The following GCSH variants were observed in gnomAD, a reference collection of about 807,000 sequenced individuals.
GCSH encodes the protein glycine cleavage system protein H, also known as glycine cleavage system H protein, mitochondrial.
A neutral mutation model predicts 21.3 loss-of-function variants in GCSH; 15 were observed. That is an observed-to-expected ratio of 0.70 (90% CI 0.47 to 1.08). The LOEUF (loss-of-function observed/expected upper bound fraction) is 1.08, where lower values mean the gene tolerates loss of function less well. Among genes scored for constraint, GCSH ranks in the 50% least tolerant of loss-of-function variants. The pLI is 0.00. For missense variants in GCSH, 179 were observed against 217.5 expected, an observed-to-expected ratio of 0.82 and a Z score of 1.11; for synonymous variants, 59 against 84.5, an observed-to-expected ratio of 0.70 and a Z score of 1.66.
rs1216937244 is a variant in GCSH, at chr16:81,091,119, A to C, written c.149-439T>G. ...AGAAATGATTTAACCTAAAAAAAAA[A>C]ATAACAGTAATAATCAGGTGCCTCT... On this transcript the variant is annotated intron_variant, in intron 1 of 4. Coordinates refer to ENST00000315467, the MANE Select transcript of GCSH (RefSeq NM_004483.5). The C allele has an allele frequency of 1.3e-5, 6 of 454,308 alleles. No homozygotes were observed. The Admixed American group carries it at 1.4e-4, about 11-fold the overall frequency. 28.1% of individuals were successfully genotyped at this position (454,308 alleles called of 1,614,324 possible). A position where few individuals can be genotyped will look rare whatever the true frequency, so the allele number is the denominator to read the frequency against.
At chr16:81,086,330 C>G (rs1371920270) in intron 3 of GCSH, among the ~76,000 whole-genome samples, 1 of 151,936 alleles carries the variant, frequency 6.6e-6, no homozygotes, top group Non-Finnish European at 1.5e-5. Flanking sequence ...GTCACGAGTT[C>G]AAGACCAGCC....
rs1444364531 is a variant in GCSH, at chr16:81,096,240, G to C, written c.39C>G (p.Leu13=). The change falls in exon 1 of 5, where the codon CTC becomes CTG. Residue 13 remains leucine, a synonymous_variant. Coordinates refer to ENST00000315467, the MANE Select transcript of GCSH (RefSeq NM_004483.5). The part of the protein sequence containing the change: ...LRVVRSVRAL[L]CTLRAVPSPA... The stretch of plus-strand genomic sequence containing the variant: ...GTGACGGGACCGCGCGCAGGGTGCA[G>C]AGCAGGGCCCGCACGCTCCGCACCA... 5 of 1,361,274 alleles carry C rather than the reference G, an allele frequency of 3.7e-6. No individual in the cohort carries two copies. The South Asian group carries it at 7.1e-5, about 19-fold the overall frequency. The allele number at this position is 1,361,274 out of a possible 1,614,324, so 84.3% of individuals were successfully genotyped here.
chr16:81,087,471 C>G, intron 3 of GCSH, 130 bp downstream of exon 3: 1 of 727,484 alleles, frequency 1.4e-6, no homozygotes, highest in Non-Finnish European at 2.4e-6. Flanking sequence ...GCACTCCAGC[C>G]TGGGTGACAA....
Position 81,096,315 on chromosome 16 carries a change from G to C in GCSH, c.-37C>G, listed in dbSNP as rs8177846. The C allele has an allele frequency of 7.4e-6, 10 of 1,344,818 alleles. No homozygotes were observed. The highest frequency in any genetic ancestry group is 3.9e-5 in the Admixed American group (1 of 25,546). 83.3% of individuals were successfully genotyped at this position (1,344,818 alleles called of 1,614,324 possible). On this transcript the variant is annotated 5_prime_UTR_variant, in exon 1 of 5. Transcript: ENST00000315467. ...TGCGGGGGTCGCAGCGCTACGCCTC[G>C]GCCACCCGCGCCGGGAGGCGGGGCG...
intron 4 of GCSH, 97 bp downstream of exon 4, chr16:81,084,366 A>C (rs977884596): frequency 4.3e-6 from 4 of 937,696 alleles, no homozygotes; most frequent in Non-Finnish European, 7.0e-6. Context: ...AAGAAGTAGA[A>C]AAAGATGAAG....
intron 1 of GCSH, among the ~76,000 whole-genome samples, chr16:81,095,603 C>T (rs57876487): frequency 0.87 from 131,079 of 151,140 alleles, 57,371 homozygotes; most frequent in South Asian, 0.97. Flanking sequence ...AGGATAGTCT[C>T]GATCTCCTGA....
At position 81,096,207 on chromosome 16, in the gene GCSH, C is replaced by A. The variant is rs1010129827; in HGVS notation, c.72G>T (p.Ala24=). The change falls in exon 1 of 5, where the codon GCG becomes GCT. Residue 24 remains alanine, a synonymous_variant. Transcript: ENST00000315467. ...GCTGCCAGGGCCTCGGCGGGCAGGG[C>A]GCGGCGGGTGACGGGACCGCGCGCA... ...CTLRAVPSPA[A]PCPPRPWQLG... 4.6e-5 allele frequency: 60 copies of A among 1,318,164 alleles called. 1 individual carries two copies. The Admixed American group carries it at 1.7e-3, about 37-fold the overall frequency. 81.7% of individuals were successfully genotyped at this position (1,318,164 alleles called of 1,614,324 possible). A position where few individuals can be genotyped will look rare whatever the true frequency, so the allele number is the denominator to read the frequency against.
intron 2 of GCSH, 113 bp from the exon 3 acceptor site, chr16:81,087,777 T>C (rs1437435668): frequency 7.9e-6 from 6 of 760,470 alleles, no homozygotes; most frequent in Non-Finnish European, 1.1e-5. Context: ...GTATATATTT[T>C]ATACTGGAGG....
At position 81,082,049 on chromosome 16, in the gene GCSH, CA is replaced by C. The variant is rs1204798436; in HGVS notation, c.*816del. 1 of 454,114 alleles carries C rather than the reference CA, an allele frequency of 2.2e-6. No homozygotes were observed. The highest frequency in any genetic ancestry group is 1.6e-5 in the South Asian group (1 of 64,476). 28.1% of individuals were successfully genotyped at this position (454,114 alleles called of 1,614,324 possible). On this transcript the variant is annotated 3_prime_UTR_variant, in exon 5 of 5. Coordinates refer to ENST00000315467, the MANE Select transcript of GCSH (RefSeq NM_004483.5). ...TAAAAACACCATGTGCTATACTGAT[CA>C]AAACTTCCACCTTCCTCTGTCTTTC... is the stretch of plus-strand genomic sequence containing the variant.
chr16:81,091,918 C>G (rs1211877432), intron 1 of GCSH, among the ~76,000 whole-genome samples: 2 of 152,014 alleles, frequency 1.3e-5, no homozygotes, highest in African/African-American at 4.8e-5. Flanking sequence ...CCGTGCCTAG[C>G]CAAGTATATA....
intron 4 of GCSH, chr16:81,084,242 G>T (rs536299301): frequency 1.6e-6 from 1 of 612,888 alleles, no homozygotes; most frequent in African/African-American, 1.8e-5. Context: ...GCCTCCCAAA[G>T]TGCTGGGATC....
In GCSH at chr16:81,084,609, A is replaced by G; in HGVS notation, c.293-15T>C. On this transcript the variant is annotated splice_polypyrimidine_tract_variant and intron_variant, in intron 3 of 4. Transcript: ENST00000315467. ...ACCAAACTCATCTAAGTGGAAAAAA[A>G]ATTAAAGAAAACATGAAATGTTAAA... 9 of 1,590,608 alleles carry G rather than the reference A, an allele frequency of 5.7e-6. No homozygotes were observed. The highest frequency in any genetic ancestry group is 1.1e-5 in the South Asian group (1 of 89,524).
chr16:81,086,448 T>G (rs895239147), intron 3 of GCSH, among the ~76,000 whole-genome samples: 11 of 152,016 alleles, frequency 7.2e-5, no homozygotes, highest in Non-Finnish European at 1.5e-4. Flanking sequence ...TCCCAGCTAC[T>G]TGGGTGGCTG....
Position 81,096,374 on chromosome 16 carries a change from T to A in GCSH, c.-96A>T, listed in dbSNP as rs1275579474. ...CAGTTCGCGGCCGGAGGGAGCCGGC[T>A]GGATGGAGGCGCGGAGGCGGTGCCG... On this transcript the variant is annotated 5_prime_UTR_variant, in exon 1 of 5. Transcript: ENST00000315467. The A allele has an allele frequency of 6.6e-6, 7 of 1,063,946 alleles. No homozygotes were observed. Among genetic ancestry groups the A allele is most frequent in the Non-Finnish European group, 6.2e-6 (5 of 804,650 alleles). The allele number at this position is 1,063,946 out of a possible 1,614,324, so 65.9% of individuals were successfully genotyped here. A position where few individuals can be genotyped will look rare whatever the true frequency, so the allele number is the denominator to read the frequency against.
chr16:81,096,006 G>A (rs1972498973), intron 1 of GCSH, 125 bp downstream of exon 1: 1 of 777,926 alleles, frequency 1.3e-6, no homozygotes, highest in South Asian at 6.3e-5. Context: ...AAGGGGGCAG[G>A]GTCCGCGCTC....
At chr16:81,086,570 G>GT (rs1555529484) in intron 3 of GCSH, among the ~76,000 whole-genome samples, 11 of 149,060 alleles carry the variant, frequency 7.4e-5, no homozygotes, top group South Asian at 4.2e-4. Context: ...AAAATAAGAA[G>GT]AAAAAAAAAA....
At chr16:81,095,253 T>C (rs182004480) in intron 1 of GCSH, among the ~76,000 whole-genome samples, 17 of 152,264 alleles carry the variant, frequency 1.1e-4, no homozygotes, top group South Asian at 4.1e-4. Context: ...AATGATCCAA[T>C]ACAAACTTTA....
At position 81,084,370 on chromosome 16, in the gene GCSH, GAT is replaced by G. The variant is rs200064276; in HGVS notation, c.424+91_424+92del. 2.7e-4 allele frequency: 254 copies of G among 956,502 alleles called. No individual in the cohort carries two copies. In the African/African-American group the frequency reaches 3.6e-3, roughly 14 times the overall value. The allele number at this position is 956,502 out of a possible 1,614,324, so 59.3% of individuals were successfully genotyped here. On this transcript the variant is annotated intron_variant, in intron 4 of 4. Transcript: ENST00000315467. ...TATTTAGTACCAAGAAGTAGAAAAA[GAT>G]GAAGTCACAATCAGCTAAACTTGCT...
At position 81,085,104 on chromosome 16, in the gene GCSH, T is replaced by C. The variant is rs1344761579; in HGVS notation, c.293-510A>G. On this transcript the variant is annotated intron_variant, in intron 3 of 4. Transcript: ENST00000315467. Reference sequence around the variant, plus strand: ...TTCTAGGCTCACTGCCACCTCTGCCTCCCGGGTTCAAGCCATTCTCCTGCC... The same window carrying C: ...TTCTAGGCTCACTGCCACCTCTGCCCCCCGGGTTCAAGCCATTCTCCTGCC... Among the ~76,000 whole-genome samples the C allele has an allele frequency of 2.4e-5, 3 of 126,904 alleles. No individual in the cohort carries two copies. In the East Asian group the frequency reaches 7.5e-4, roughly 32 times the overall value. 83.3% of individuals were successfully genotyped at this position (126,904 alleles called of 152,430 possible).
Sources: gnomAD v4.1 joint callset for allele counts (sites outside exome capture counted in the v4.1 genomes callset) on GRCh38, gnomAD v4.1.1 for gene constraint, MANE v1.5 for transcripts, NCBI Gene and HGNC (gene_info 2026-07-23, HGNC 2026-07-21) for gene names.